The following PLAAT4 variants were observed in gnomAD, a reference collection of about 807,000 sequenced individuals.
PLAAT4 encodes the protein phospholipase A and acyltransferase 4.
PLAAT4 carries 12 observed loss-of-function variants against 14.1 expected under a neutral mutation model. The ratio of observed to expected loss-of-function variants is 0.85; its 90% CI spans 0.54 to 1.37. PLAAT4 has a LOEUF of 1.37. Among genes scored for constraint, PLAAT4 ranks in the 40% most tolerant of loss-of-function variants. The pLI, the probability that PLAAT4 is intolerant of heterozygous loss-of-function variation, is 0.00. For missense variants in PLAAT4, 163 were observed against 211.7 expected, an observed-to-expected ratio of 0.77 and a Z score of 1.43; for synonymous variants, 77 against 79.8, an observed-to-expected ratio of 0.96 and a Z score of 0.19.
chr11:63,537,255 GC>G (rs1290233570), intron 1 of PLAAT4, among the ~76,000 whole-genome samples: 13 of 152,142 alleles, frequency 8.5e-5, no homozygotes, highest in African/African-American at 3.1e-4. Flanking sequence ...TGTGACTGGG[GC>G]TCAGTCCCTT....
At chr11:63,542,414 A>G (rs781774751) in intron 2 of PLAAT4, among the ~76,000 whole-genome samples, 3 of 152,198 alleles carry the variant, frequency 2.0e-5, no homozygotes, top group Non-Finnish European at 4.4e-5. Flanking sequence ...GCTTCCACAC[A>G]TAGGACACAG....
chr11:63,542,519 A>T (rs1289758697), intron 2 of PLAAT4, among the ~76,000 whole-genome samples: 1 of 152,174 alleles, frequency 6.6e-6, no homozygotes, highest in East Asian at 1.9e-4. Flanking sequence ...TTGAGGTATC[A>T]TGTGTGTTCA....
chr11:63,537,430 G>A (rs796426198), intron 1 of PLAAT4, among the ~76,000 whole-genome samples: 4 of 152,288 alleles, frequency 2.6e-5, no homozygotes, highest in African/African-American at 7.2e-5. Flanking sequence ...GGCTGAGCTC[G>A]GTGGTGTGTG....
intron 3 of PLAAT4, 123 bp downstream of exon 3, chr11:63,545,012 C>T (rs1391532846): frequency 5.0e-6 from 7 of 1,388,754 alleles, no homozygotes; most frequent in Non-Finnish European, 7.1e-6. Flanking sequence ...GGCTGAGAGT[C>T]AGGACCTCTG....
chr11:63,539,685 G>A (rs2017306327), intron 2 of PLAAT4, 61 bp downstream of exon 2: 1 of 1,320,420 alleles, frequency 7.6e-7, no homozygotes, highest in Non-Finnish European at 1.1e-6. Context: ...GAGAGGGCCG[G>A]GCACGGTGGC....
At chr11:63,543,775 A>T (rs539729856) in intron 2 of PLAAT4, among the ~76,000 whole-genome samples, 61 of 152,358 alleles carry the variant, frequency 4.0e-4, no homozygotes, top group African/African-American at 1.4e-3. Flanking sequence ...CCATTGGTTG[A>T]CAGCTCTTCT....
intron 2 of PLAAT4, among the ~76,000 whole-genome samples, chr11:63,542,613 C>T (rs192581613): frequency 2.1e-4 from 32 of 152,258 alleles, no homozygotes; most frequent in African/African-American, 6.5e-4. Flanking sequence ...TATTTGGCTT[C>T]CGTCTTTGGT....
chr11:63,539,725 G>C, intron 2 of PLAAT4, 101 bp downstream of exon 2: 1 of 801,982 alleles, frequency 1.2e-6, no homozygotes, highest in Non-Finnish European at 1.9e-6. Context: ...ACTTTGAGAG[G>C]CCGAGGTGGG....
At chr11:63,537,388 T>G (rs1012131888) in intron 1 of PLAAT4, among the ~76,000 whole-genome samples, 5 of 152,252 alleles carry the variant, frequency 3.3e-5, no homozygotes, top group African/African-American at 1.2e-4. Context: ...TCAGCCCAGA[T>G]GTACCGATTG....
intron 2 of PLAAT4, among the ~76,000 whole-genome samples, chr11:63,544,396 C>A (rs1000341352): frequency 2.6e-5 from 4 of 152,022 alleles, no homozygotes; most frequent in Admixed American, 6.6e-5. Context: ...AGGAGAATGG[C>A]GTGTACCCAG....
At chr11:63,538,376 TG>T in intron 1 of PLAAT4, 2 of 379,610 alleles carry the variant, frequency 5.3e-6, no homozygotes, top group East Asian at 1.0e-4. Context: ...CAGGGGGTTG[TG>T]GGGGTCACAG....
chr11:63,543,660 C>T (rs1396389234), intron 2 of PLAAT4, among the ~76,000 whole-genome samples: 3 of 152,172 alleles, frequency 2.0e-5, no homozygotes, highest in Non-Finnish European at 2.9e-5. Context: ...AGATTAGAAA[C>T]GGGGCAAAAG....
rs565409700 is a variant in PLAAT4, at chr11:63,546,173, G to A, written c.412G>A (p.Gly138Ser). The A allele has an allele frequency of 1.1e-5, 17 of 1,613,982 alleles. No homozygotes were observed. Among genetic ancestry groups the A allele is most frequent in the African/African-American group, 4.0e-5 (3 of 74,908 alleles). The stretch of plus-strand genomic sequence containing the variant: ...GGTGGAAAAGGCCAAGGTTGAAGTC[G>A]GTGTGGCCACGGCGCTTGGAATCCT... ...KQVEKAKVEV[G>S]VATALGILVV... Residue 138 changes from glycine to serine, a missense_variant, in exon 4 of 4, where the codon GGT becomes AGT. Gly to Ser is a moderately conservative substitution (Grantham distance 56). Transcript: ENST00000255688.
At chr11:63,546,022 G>A in intron 3 of PLAAT4, 127 bp from the exon 4 acceptor site, 1 of 775,658 alleles carries the variant, frequency 1.3e-6, no homozygotes, top group Non-Finnish European at 2.2e-6. Flanking sequence ...GGAGAGAAGA[G>A]AGGAGATGCC....
Position 63,539,517 on chromosome 11 carries a change from C to G in PLAAT4, c.11C>G (p.Pro4Arg). ...CCATCTCTGGCTTTTCTGTTGCAGC[C>G]ACACCAAGAGCCCAAACCTGGAGAC... MAS[P>R]HQEPKPGDLI... is the part of the protein sequence containing the mutation. Residue 4 changes from proline (P) to arginine (R), a missense_variant and splice_region_variant, in exon 2 of 4, where the codon CCA becomes CGA. By Grantham distance (103) the Pro-to-Arg change is moderately radical. Coordinates refer to ENST00000255688, the MANE Select transcript of PLAAT4 (RefSeq NM_004585.5). 6.2e-7 allele frequency: 1 copy of G among 1,613,658 alleles called. No homozygotes were observed. The highest frequency in any genetic ancestry group is 1.1e-5 in the South Asian group (1 of 91,080).
At chr11:63,539,694 G>C in intron 2 of PLAAT4, 70 bp downstream of exon 2, 1 of 1,216,626 alleles carries the variant, frequency 8.2e-7, no homozygotes, top group Non-Finnish European at 1.2e-6. Context: ...GGGCACGGTG[G>C]CTCATGCCTG....
At chr11:63,539,807 C>A (rs1204705556) in intron 2 of PLAAT4, among the ~76,000 whole-genome samples, 183 bp downstream of exon 2, 1 of 152,034 alleles carries the variant, frequency 6.6e-6, no homozygotes, top group East Asian at 1.9e-4. Context: ...ACTAAAAATA[C>A]AAAATTAGCC....
chr11:63,545,187 A>G (rs2017354387), intron 3 of PLAAT4: 2 of 589,114 alleles, frequency 3.4e-6, no homozygotes, highest in South Asian at 4.3e-5. Flanking sequence ...GGGGGTCATC[A>G]GGAGAATCTG....
At position 63,544,859 on chromosome 11, in the gene PLAAT4, G is replaced by A. The variant is rs373197528; in HGVS notation, c.357G>A (p.Gln119=). The A allele has an allele frequency of 1.9e-6, 3 of 1,614,230 alleles. No homozygotes were observed. The highest frequency in any genetic ancestry group is 1.6e-4 in the Middle Eastern group (1 of 6,062). The change falls in exon 3 of 4, where the codon CAG becomes CAA. Residue 119 remains glutamine (Q), a synonymous_variant. Transcript: ENST00000255688. Reference sequence around the variant, plus strand: ...GGAACTGTGAGCACTTTGTCACCCAGCTGAGATATGGCAAGTCCCGCTGTA... The same window carrying A: ...GGAACTGTGAGCACTTTGTCACCCAACTGAGATATGGCAAGTCCCGCTGTA... ...VSRNCEHFVT[Q]LRYGKSRCKQ...
Sources: allele counts gnomAD v4.1 joint callset (sites outside exome capture counted in the v4.1 genomes callset), GRCh38; gene constraint gnomAD v4.1.1; transcripts MANE v1.5; gene names NCBI Gene and HGNC (gene_info 2026-07-23, HGNC 2026-07-21).